Variants in DTNA observed in about 807,000 individuals in gnomAD.
The protein encoded by DTNA is dystrobrevin alpha.
DTNA carries 43 observed loss-of-function variants against 100.7 expected under a neutral mutation model. That is an observed-to-expected ratio of 0.43 (90% CI 0.33 to 0.55). The LOEUF (loss-of-function observed/expected upper bound fraction) is 0.55, where lower values mean the gene tolerates loss of function less well. DTNA is among the 20% of genes least tolerant of loss of function. The pLI is 0.04. For missense variants in DTNA, 798 were observed against 953.9 expected (o/e 0.84, Z 2.15); for synonymous variants, 349 against 347.9 (o/e 1.00, Z -0.04).
intron 17 of DTNA, chr18:34,867,152 C>A: frequency 8.1e-7 from 1 of 1,231,284 alleles, no homozygotes; most frequent in South Asian, 4.1e-5. Context: ...ACAACCTGTC[C>A]AATTTCAACG....
At chr18:34,815,250 C>G (rs1166679970) in intron 6 of DTNA, among the ~76,000 whole-genome samples, 1 of 151,658 alleles carries the variant, frequency 6.6e-6, no homozygotes, top group Admixed American at 6.6e-5. Context: ...AGCTTTCTTA[C>G]TTTTATCATT....
chr18:34,698,778 C>T (rs565815520), intron 1 of DTNA, among the ~76,000 whole-genome samples: 1 of 152,170 alleles, frequency 6.6e-6, no homozygotes, highest in East Asian at 1.9e-4. Context: ...CTAATCTTTC[C>T]ACGTTCTTTT....
Position 34,611,904 on chromosome 18 carries a change from C to CT in DTNA, c.-2+118391dup, listed in dbSNP as rs567230061. 1.8e-4 allele frequency among the ~76,000 whole-genome samples: 28 copies of CT among 152,334 alleles called. No homozygotes were observed. In the East Asian group the frequency reaches 5.0e-3, roughly 27 times the overall value. On this transcript the variant is annotated intron_variant, in intron 1 of 19. Transcript: ENST00000283365. Reference sequence around the variant, plus strand: ...GGGCAGGCGTGCAGCACATCACATGCTACCTGGGCAGTCACAGAGCTGGGC... The same window carrying CT: ...GGGCAGGCGTGCAGCACATCACATGCTTACCTGGGCAGTCACAGAGCTGGGC...
At chr18:34,571,823 A>T (rs1193528906) in intron 1 of DTNA, among the ~76,000 whole-genome samples, 1 of 152,178 alleles carries the variant, frequency 6.6e-6, no homozygotes, top group African/African-American at 2.4e-5. Flanking sequence ...TCCAAAAAGT[A>T]GGTACTACCT....
At position 34,689,455 on chromosome 18, in the gene DTNA, C is replaced by T. The variant is rs2079412254; in HGVS notation, c.-1-66521C>T. 2.0e-5 allele frequency among the ~76,000 whole-genome samples: 3 copies of T among 152,162 alleles called. 1 individual carries two copies. The South Asian group carries it at 6.2e-4, about 32-fold the overall frequency. The stretch of plus-strand genomic sequence containing the variant: ...GAGGTCCACTCCAGACCCTGTTTTC[C>T]TGGGTATCACCAGTGAAGGCTGCAG... On this transcript the variant is annotated intron_variant, in intron 1 of 19. Coordinates refer to the DTNA transcript ENST00000283365.
chr18:34,647,465 C>T (rs2143601827), intron 1 of DTNA, among the ~76,000 whole-genome samples: 1 of 152,298 alleles, frequency 6.6e-6, no homozygotes, highest in South Asian at 2.1e-4. Flanking sequence ...CCTCGTATCA[C>T]CTTTGTTCAC....
chr18:34,713,093 G>C (rs1427534429), intron 1 of DTNA, among the ~76,000 whole-genome samples: 1 of 151,578 alleles, frequency 6.6e-6, no homozygotes. Context: ...AAAAGAATTG[G>C]ATTTTTTTTT....
intron 1 of DTNA, among the ~76,000 whole-genome samples, chr18:34,553,556 A>G (rs919130913): frequency 3.9e-5 from 6 of 152,022 alleles, no homozygotes; most frequent in African/African-American, 7.3e-5. Flanking sequence ...TGATTTTTGT[A>G]TAAGGTGTAA....
chr18:34,665,992 C>A (rs1044341209), intron 1 of DTNA, among the ~76,000 whole-genome samples: 7 of 152,170 alleles, frequency 4.6e-5, no homozygotes, highest in Non-Finnish European at 7.3e-5. Flanking sequence ...CCTGAGGAAT[C>A]GCCACACTGT....
At chr18:34,562,297 A>T (rs2046711847) in intron 1 of DTNA, among the ~76,000 whole-genome samples, 1 of 152,232 alleles carries the variant, frequency 6.6e-6, no homozygotes, top group African/African-American at 2.4e-5. Flanking sequence ...ATTACTCTCC[A>T]TTGAAGTTGC....
At chr18:34,600,490 GAATT>G (rs2051569405) in intron 1 of DTNA, among the ~76,000 whole-genome samples, 1 of 152,166 alleles carries the variant, frequency 6.6e-6, no homozygotes, top group South Asian at 2.1e-4. Context: ...TGAATTCACT[GAATT>G]AATCACAGTT....
rs776281493 is a variant in DTNA at position 34,858,369 on chromosome 18, C to G, written c.1617C>G (p.Pro539=). 1 of 1,614,172 alleles carries G rather than the reference C, an allele frequency of 6.2e-7. No individual in the cohort carries two copies. The highest frequency in any genetic ancestry group is 2.2e-5 in the East Asian group (1 of 44,870). The change falls in exon 16 of 23, where the codon CCC becomes CCG. Residue 539 remains proline, a synonymous_variant. Coordinates refer to ENST00000444659, the MANE Select transcript of DTNA (RefSeq NM_001386795.1). ...CGCCAGAGAAGGCACAGCAAAACCCCACCCTGCTGGCAGAACTCCGGCTCC... is the reference window on the plus strand; with the variant it reads ...CGCCAGAGAAGGCACAGCAAAACCCGACCCTGCTGGCAGAACTCCGGCTCC... ...QPTPEKAQQN[P]TLLAELRLLR...
chr18:34,723,239 A>G (rs2085769425), intron 1 of DTNA, among the ~76,000 whole-genome samples: 1 of 152,252 alleles, frequency 6.6e-6, no homozygotes, highest in South Asian at 2.1e-4. Flanking sequence ...GCTAACAATG[A>G]TAAGAACTTG....
At chr18:34,558,929 T>C (rs757689035) in intron 1 of DTNA, among the ~76,000 whole-genome samples, 3 of 152,196 alleles carry the variant, frequency 2.0e-5, no homozygotes, top group Non-Finnish European at 4.4e-5. Context: ...ATGGAGATGG[T>C]TGACAGACTT....
chr18:34,867,877 C>A, intron 17 of DTNA: 1 of 985,470 alleles, frequency 1.0e-6, no homozygotes, highest in Non-Finnish European at 1.2e-6. Context: ...ACAGCGGGTA[C>A]TGCGGTGTCG....
chr18:34,842,508 C>T (rs1035316677), intron 13 of DTNA, among the ~76,000 whole-genome samples: 1 of 152,124 alleles, frequency 6.6e-6, no homozygotes, highest in Non-Finnish European at 1.5e-5. Flanking sequence ...GTGTACAAAC[C>T]TGCATGTGAC....
At chr18:34,771,273 G>C (rs1355618176) in intron 3 of DTNA, among the ~76,000 whole-genome samples, 3 of 152,100 alleles carry the variant, frequency 2.0e-5, no homozygotes, top group Non-Finnish European at 2.9e-5. Flanking sequence ...GCCGAGGCGG[G>C]CGGATCACAA....
At chr18:34,770,927 C>A (rs534851293) in intron 3 of DTNA, among the ~76,000 whole-genome samples, 1 of 151,748 alleles carries the variant, frequency 6.6e-6, no homozygotes, top group Middle Eastern at 3.4e-3. Context: ...GGATTACAGG[C>A]GTGCACCACC....
In DTNA at chr18:34,888,514, AAT is replaced by A; in HGVS notation, c.*781_*782del. On this transcript the variant is annotated 3_prime_UTR_variant, in exon 23 of 23. Coordinates refer to ENST00000444659, the MANE Select transcript of DTNA (RefSeq NM_001386795.1). ...TTCAAGATACTCTAATCAGCCATAG[AAT>A]TTAGTGTAAATATTTTTTTTTCCAA... 11 of 985,834 alleles carry A rather than the reference AAT, an allele frequency of 1.1e-5. No homozygotes were observed. Among genetic ancestry groups the A allele is most frequent in the Non-Finnish European group, 1.3e-5 (11 of 829,918 alleles). 61.1% of individuals were successfully genotyped at this position (985,834 alleles called of 1,614,324 possible). A position where few individuals can be genotyped will look rare whatever the true frequency, so the allele number is the denominator to read the frequency against.
Sources: allele counts gnomAD v4.1 joint callset (sites outside exome capture counted in the v4.1 genomes callset), GRCh38; gene constraint gnomAD v4.1.1; transcripts MANE v1.5; gene names NCBI Gene and HGNC (gene_info 2026-07-23, HGNC 2026-07-21).